PTPRD: variants seen among roughly 807,000 people sequenced by gnomAD.
PTPRD encodes receptor-type tyrosine-protein phosphatase delta.
In PTPRD, 34 loss-of-function variants were observed where a neutral mutation model predicts 214.5. The ratio of observed to expected loss-of-function variants is 0.16; its 90% confidence interval spans 0.12 to 0.21. The LOEUF (loss-of-function observed/expected upper bound fraction) is 0.21. Among genes scored for constraint, PTPRD ranks in the 10% least tolerant of loss-of-function variants. PTPRD has a pLI of 1.00. For missense variants in PTPRD, 2,545 were observed against 2,398.7 expected (o/e 1.06, Z -1.27); for synonymous variants, 1,128 against 845.7 (o/e 1.33, Z -5.79).
chr9:8,906,660 G>C (rs2098709904), intron 11 of PTPRD, among the ~76,000 whole-genome samples: 2 of 152,108 alleles, frequency 1.3e-5, no homozygotes, highest in African/African-American at 2.4e-5. Context: ...ATTAATGCCT[G>C]GGGTTCCTCC....
intron 2 of PTPRD, among the ~76,000 whole-genome samples, chr9:10,449,590 G>A (rs1215426416): frequency 6.6e-6 from 1 of 151,424 alleles, no homozygotes; most frequent in Non-Finnish European, 1.5e-5. Context: ...GTCTAAGTGA[G>A]GAGGGTCTCT....
intron 5 of PTPRD, among the ~76,000 whole-genome samples, chr9:9,839,339 G>C (rs2057701343): frequency 6.6e-6 from 1 of 152,056 alleles, no homozygotes; most frequent in Non-Finnish European, 1.5e-5. Context: ...AAGCTGATAA[G>C]CAAATTCAGC....
intron 2 of PTPRD, among the ~76,000 whole-genome samples, chr9:10,403,491 G>A (rs138951434): frequency 1.3e-4 from 19 of 151,004 alleles, no homozygotes; most frequent in African/African-American, 4.1e-4. Flanking sequence ...GCAAATGCTG[G>A]CCAGGATGTG....
At chr9:10,191,219 T>A (rs946975049) in intron 3 of PTPRD, among the ~76,000 whole-genome samples, 5 of 152,096 alleles carry the variant, frequency 3.3e-5, no homozygotes, top group African/African-American at 1.2e-4. Flanking sequence ...AAGTTAGGGG[T>A]AAATTAAAAT....
At chr9:10,119,339 T>C (rs2098756582) in intron 3 of PTPRD, among the ~76,000 whole-genome samples, 1 of 152,012 alleles carries the variant, frequency 6.6e-6, no homozygotes, top group Admixed American at 6.6e-5. Context: ...ATCTTAACCA[T>C]CTCCATAGTG....
chr9:10,117,683 C>G (rs1469650905), intron 3 of PTPRD, among the ~76,000 whole-genome samples: 1 of 150,526 alleles, frequency 6.6e-6, no homozygotes, highest in Non-Finnish European at 1.5e-5. Flanking sequence ...GATGATTTCA[C>G]CTTGAGAAAA....
chr9:8,414,932 A>AGAGG (rs1564641329), intron 35 of PTPRD, among the ~76,000 whole-genome samples: 5 of 25,174 alleles, frequency 2.0e-4, no homozygotes, highest in Non-Finnish European at 4.0e-4. Flanking sequence ...AGGGAGGGGG[A>AGAGG]GAGAGAGAGA....
At chr9:10,231,985 AGAGAGTG>A (rs2099612548) in intron 3 of PTPRD, among the ~76,000 whole-genome samples, 1 of 96,194 alleles carries the variant, frequency 1.0e-5, no homozygotes, top group East Asian at 3.3e-4. Flanking sequence ...AGAGAGAGAG[AGAGAGTG>A]TGTGTGTGTG....
intron 7 of PTPRD, among the ~76,000 whole-genome samples, chr9:9,675,503 G>C (rs913875050): frequency 6.6e-6 from 1 of 151,430 alleles, no homozygotes; most frequent in South Asian, 2.1e-4. Context: ...AAATAAAAAG[G>C]TCAGATTTTA....
At chr9:8,976,917 CT>C (rs2099271055) in intron 11 of PTPRD, among the ~76,000 whole-genome samples, 1 of 152,036 alleles carries the variant, frequency 6.6e-6, no homozygotes, top group Non-Finnish European at 1.5e-5. Context: ...CTAACCCTGA[CT>C]TTTCTTCAAA....
At chr9:9,342,995 T>C (rs1203120934) in intron 9 of PTPRD, among the ~76,000 whole-genome samples, 2 of 152,170 alleles carry the variant, frequency 1.3e-5, no homozygotes, top group African/African-American at 4.8e-5. Context: ...TGGTTTTCTG[T>C]TCCTGTGTTA....
chr9:9,744,109 A>T (rs1401294706), intron 6 of PTPRD, among the ~76,000 whole-genome samples: 2 of 152,078 alleles, frequency 1.3e-5, no homozygotes, highest in Non-Finnish European at 2.9e-5. Context: ...AATACTTATT[A>T]CCACCATTTT....
At chr9:8,577,351 G>A (rs1170340820) in intron 14 of PTPRD, among the ~76,000 whole-genome samples, 2 of 152,118 alleles carry the variant, frequency 1.3e-5, no homozygotes, top group Admixed American at 1.3e-4. Flanking sequence ...CGCCTCCTGG[G>A]TTCAAGCAAT....
chr9:9,891,189 CT>C (rs2073193024), intron 5 of PTPRD, among the ~76,000 whole-genome samples: 1 of 152,064 alleles, frequency 6.6e-6, no homozygotes. Context: ...TATACATCTC[CT>C]GTTCTCTTCT....
At chr9:10,369,853 A>T (rs1355145721) in intron 2 of PTPRD, among the ~76,000 whole-genome samples, 1 of 152,136 alleles carries the variant, frequency 6.6e-6, no homozygotes, top group African/African-American at 2.4e-5. Flanking sequence ...AAGTTTTAAG[A>T]AAGCATAAAT....
intron 12 of PTPRD, among the ~76,000 whole-genome samples, chr9:8,721,680 C>T (rs1430452465): frequency 6.6e-6 from 1 of 152,110 alleles, no homozygotes; most frequent in East Asian, 1.9e-4. Flanking sequence ...TACAGCAATC[C>T]TATAATTATC....
chr9:9,679,475 T>G (rs964482942), intron 7 of PTPRD, among the ~76,000 whole-genome samples: 5 of 151,948 alleles, frequency 3.3e-5, no homozygotes, highest in African/African-American at 1.2e-4. Flanking sequence ...CCTGATAGAA[T>G]GACGGATCCC....
intron 5 of PTPRD, chr9:9,800,627 G>A (rs1453693853): frequency 1.3e-5 from 2 of 152,188 alleles, no homozygotes; most frequent in African/African-American, 2.4e-5. Context: ...TGAGGTCTTG[G>A]AAGACAGAAA....
At chr9:9,903,077 G>C (rs2076771675) in intron 5 of PTPRD, among the ~76,000 whole-genome samples, 2 of 151,976 alleles carry the variant, frequency 1.3e-5, no homozygotes, top group African/African-American at 4.8e-5. Context: ...TTGAGCTAAA[G>C]ACATATATTC....
Sources: allele counts gnomAD v4.1 joint callset (sites outside exome capture counted in the v4.1 genomes callset), GRCh38; gene constraint gnomAD v4.1.1; transcripts MANE v1.5; gene names NCBI Gene and HGNC (gene_info 2026-07-23, HGNC 2026-07-21).